Variants in AMZ2 observed in about 807,000 individuals in gnomAD.
The protein encoded by AMZ2 is archaemetzincin-2.
Under a neutral mutation model 36.7 loss-of-function variants are expected in AMZ2, and 26 were observed. The ratio of observed to expected loss-of-function variants is 0.71; its 90% CI spans 0.52 to 0.98. The LOEUF is 0.98. Among genes scored for constraint, AMZ2 ranks in the 50% least tolerant of loss-of-function variants. The pLI is 0.00. For synonymous variants in AMZ2, 144 were observed against 149.1 expected, an observed-to-expected ratio of 0.97 and a Z score of 0.25; for missense variants, 394 against 430.5, an observed-to-expected ratio of 0.92 and a Z score of 0.75.
chr17:68,224,537 G>T (rs2073460104), intron 1 of AMZ2, among the ~76,000 whole-genome samples: 1 of 145,356 alleles, frequency 6.9e-6, no homozygotes, highest in Non-Finnish European at 1.5e-5. Context: ...AGGAATTGGG[G>T]GTAGCTTTTT....
At chr17:68,226,108 G>T (rs1230056428) in intron 1 of AMZ2, among the ~76,000 whole-genome samples, 3 of 152,066 alleles carry the variant, frequency 2.0e-5, no homozygotes, top group Non-Finnish European at 2.9e-5. Context: ...AACAAACCCT[G>T]GCAAATCCGA....
chr17:68,230,200 A>G (rs1186517934), intron 1 of AMZ2, among the ~76,000 whole-genome samples: 4 of 152,010 alleles, frequency 2.6e-5, no homozygotes, highest in African/African-American at 9.7e-5. Context: ...AGCCTCCTGA[A>G]TAGCTGGGAT....
chr17:68,253,595 T>A (rs1356654835), intron 4 of AMZ2, among the ~76,000 whole-genome samples: 1 of 152,146 alleles, frequency 6.6e-6, no homozygotes, highest in Non-Finnish European at 1.5e-5. Flanking sequence ...GAGGTTATTC[T>A]GTCAAAAGCC....
At chr17:68,243,413 G>T (rs1403569969), upstream of AMZ2, among the ~76,000 whole-genome samples, 1 of 152,182 alleles carries the variant, frequency 6.6e-6, no homozygotes, top group African/African-American at 2.4e-5. Flanking sequence ...GGGATTACAG[G>T]CATGAGCCAC....
chr17:68,209,197 CTT>C (rs34960416), intron 1 of AMZ2, among the ~76,000 whole-genome samples: 32,328 of 141,702 alleles, frequency 0.23, 3,577 homozygotes, highest in East Asian at 0.29. Flanking sequence ...AATTTTAGTA[CTT>C]TTTTTTTTTT....
chr17:68,250,237 C>CA lies in AMZ2; in HGVS notation c.53dup (p.Asn19GlufsTer9). 6.2e-7 allele frequency: 1 copy of CA among 1,614,194 alleles called. No homozygotes were observed. Among genetic ancestry groups the CA allele is most frequent in the Non-Finnish European group, 8.5e-7 (1 of 1,180,044 alleles). ...CAGACACTAAAAACAGCTCTCATCT[C>CA]AAAGAACCCAGTGCTTGTATCACAG... On this transcript the variant is annotated frameshift_variant, in exon 2 of 7. Coordinates refer to ENST00000359904, the MANE Select transcript of AMZ2 (RefSeq NM_016627.5). LOFTEE classifies it high-confidence loss of function.
chr17:68,250,377 C>A lies in AMZ2; in HGVS notation c.190C>A (p.Pro64Thr). The A allele has an allele frequency of 6.2e-7, 1 of 1,614,168 alleles. No homozygotes were observed. The highest frequency in any genetic ancestry group is 8.5e-7 in the Non-Finnish European group (1 of 1,180,032). Residue 64 changes from proline to threonine, a missense_variant, in exon 2 of 7, where the codon CCT becomes ACT. Transcript: ENST00000359904. ...TCCATCAGATTGGATCACCTCCCAC[C>A]CTGAGGCTCCCCAAGACTTTGAACA... ...HSPSDWITSH[P>T]EAPQDFEQFF...
intron 1 of AMZ2, among the ~76,000 whole-genome samples, chr17:68,233,307 G>A (rs1555731713): frequency 6.6e-6 from 1 of 152,082 alleles, no homozygotes; most frequent in African/African-American, 2.4e-5. Context: ...TCAGGAGGTC[G>A]AGACCAGCCT....
intron 1 of AMZ2, 124 bp downstream of exon 1, chr17:68,248,829 A>G: frequency 1.1e-6 from 1 of 947,588 alleles, no homozygotes; most frequent in Non-Finnish European, 1.3e-6. Context: ...GTACAGAGAC[A>G]TTTGGTCTGG....
At chr17:68,212,985 T>G (rs1488205627) in intron 1 of AMZ2, among the ~76,000 whole-genome samples, 1 of 152,202 alleles carries the variant, frequency 6.6e-6, no homozygotes, top group Non-Finnish European at 1.5e-5. Flanking sequence ...AATCAAATCT[T>G]CAGGAACCAA....
upstream of AMZ2, among the ~76,000 whole-genome samples, chr17:68,243,841 T>C (rs1555734591): frequency 6.6e-6 from 1 of 152,054 alleles, no homozygotes; most frequent in East Asian, 1.9e-4. Context: ...CAAACAAAAA[T>C]AAATGAACCT....
intron 1 of AMZ2, among the ~76,000 whole-genome samples, chr17:68,215,408 CTG>C (rs1324699051): frequency 1.5e-5 from 2 of 135,370 alleles, no homozygotes; most frequent in African/African-American, 5.6e-5. Context: ...GGTGAAATAA[CTG>C]TAACCACATT....
chr17:68,255,664 G>C, intron 5 of AMZ2, 36 bp from the exon 6 acceptor site: 2 of 1,594,790 alleles, frequency 1.3e-6, no homozygotes, highest in Non-Finnish European at 1.7e-6. Context: ...TAATGTGATG[G>C]TGGTCTTATA....
intron 1 of AMZ2, among the ~76,000 whole-genome samples, chr17:68,222,916 G>C (rs1447898317): frequency 6.6e-6 from 1 of 152,074 alleles, no homozygotes; most frequent in Admixed American, 6.6e-5. Flanking sequence ...GGGGATCCCT[G>C]TCCTAGGGAA....
Position 68,255,711 on chromosome 17 carries a change from T to C in AMZ2, c.762T>C (p.His254=). Residue 254 remains histidine, a synonymous_variant, in exon 6 of 7, where the codon CAT becomes CAC. Coordinates refer to ENST00000359904, the MANE Select transcript of AMZ2 (RefSeq NM_016627.5). ...TGATTGTCTTGCAGACTTTAACCCA[T>C]GAGATCGGACACATATTTGGACTGC... ...LLLRSCKTLT[H]EIGHIFGLRH... 6.2e-7 allele frequency: 1 copy of C among 1,613,126 alleles called. No homozygotes were observed. Among genetic ancestry groups the C allele is most frequent in the Non-Finnish European group, 8.5e-7 (1 of 1,179,102 alleles).
chr17:68,209,632 A>ATATTTTTTTT, intron 1 of AMZ2, among the ~76,000 whole-genome samples: 3 of 90,690 alleles, frequency 3.3e-5, no homozygotes, highest in African/African-American at 1.5e-4. Context: ...ATATATATAT[A>ATATTTTTTTT]TTTTTTTTTT....
At chr17:68,209,632 A>ATATATTTTT in intron 1 of AMZ2, among the ~76,000 whole-genome samples, 1 of 90,700 alleles carries the variant, frequency 1.1e-5, no homozygotes, top group African/African-American at 5.0e-5. Flanking sequence ...ATATATATAT[A>ATATATTTTT]TTTTTTTTTT....
intron 1 of AMZ2, among the ~76,000 whole-genome samples, chr17:68,230,004 A>G (rs1350870306): frequency 1.3e-5 from 2 of 152,154 alleles, no homozygotes; most frequent in African/African-American, 2.4e-5. Context: ...AAGATATCCT[A>G]AGGCGTAGCC....
At chr17:68,209,008 G>A (rs1318823497) in intron 1 of AMZ2, among the ~76,000 whole-genome samples, 1 of 152,170 alleles carries the variant, frequency 6.6e-6, no homozygotes, top group South Asian at 2.1e-4. Context: ...GTGAGACCAG[G>A]AACCCACCAA....
Sources: gnomAD v4.1 joint callset for allele counts (sites outside exome capture counted in the v4.1 genomes callset) on GRCh38, gnomAD v4.1.1 for gene constraint, MANE v1.5 for transcripts, NCBI Gene and HGNC (gene_info 2026-07-23, HGNC 2026-07-21) for gene names.